Variants in GRK5 observed in about 807,000 individuals in gnomAD.
GRK5 encodes the protein g protein-coupled receptor kinase GRK5.
Under a neutral mutation model 78.4 loss-of-function variants are expected in GRK5, and 40 were observed. The ratio of observed to expected loss-of-function variants is 0.51; its 90% CI spans 0.40 to 0.66. GRK5 has a LOEUF of 0.66. Ranked by LOEUF, GRK5 falls within the 30% of genes least tolerant of loss-of-function variation. The pLI is 0.00. For missense variants in GRK5, 598 were observed against 759.9 expected, an observed-to-expected ratio of 0.79 and a Z score of 2.50; for synonymous variants, 289 against 296.8, an observed-to-expected ratio of 0.97 and a Z score of 0.27.
At chr10:119,344,092 CG>C (rs1184515277) in intron 2 of GRK5, among the ~76,000 whole-genome samples, 12 of 150,444 alleles carry the variant, frequency 8.0e-5, no homozygotes, top group African/African-American at 2.2e-4. Flanking sequence ...TTTTTTTTGG[CG>C]GGGGGTAACA....
Position 119,431,405 on chromosome 10 carries a change from C to T in GRK5, c.616C>T (p.Arg206Trp), listed in dbSNP as rs769828788. Reference protein sequence around the residue: ...GFGEVCACQVRATGKMYACKR... With the variant: ...GFGEVCACQVWATGKMYACKR... ...ACTGCAGGTCTGTGCCTGCCAGGTT[C>T]GGGCCACGGGTAAAATGTATGCCTG... The change falls in exon 8 of 16, where the codon CGG becomes TGG. Residue 206 changes from arginine to tryptophan, a missense_variant. By Grantham distance (101) the Arg-to-Trp change is moderately radical. Coordinates refer to ENST00000392870, the MANE Select transcript of GRK5 (RefSeq NM_005308.3). This position sits in a 1 kb window ranked among gnomAD's most constrained non-coding sequence, Gnocchi z 4.8. 5 of 1,613,566 alleles carry T rather than the reference C, an allele frequency of 3.1e-6. No homozygotes were observed. The highest frequency in any genetic ancestry group is 4.2e-6 in the Non-Finnish European group (5 of 1,179,690).
chr10:119,307,647 C>G (rs2133732205), intron 1 of GRK5, among the ~76,000 whole-genome samples: 1 of 152,274 alleles, frequency 6.6e-6, no homozygotes, highest in Middle Eastern at 3.4e-3. Context: ...TGATTCCAGA[C>G]TTCTGACTTC....
intron 1 of GRK5, among the ~76,000 whole-genome samples, chr10:119,261,175 C>A (rs1317786975): frequency 6.7e-6 from 1 of 149,920 alleles, no homozygotes. Context: ...CTCCTCACTT[C>A]TCAAACGGGG....
rs996551031 is a variant in GRK5, at chr10:119,298,224, A to G, written c.53-28292A>G. Among the ~76,000 whole-genome samples, 8 of 152,236 alleles carry G rather than the reference A, an allele frequency of 5.3e-5. No individual in the cohort carries two copies. The South Asian group carries it at 1.5e-3, about 28-fold the overall frequency. ...GTCATTTATTCACTCATTCACCAAGATTTTTGGGCTCCTACTATATACAAG... is the reference window on the plus strand; with the variant it reads ...GTCATTTATTCACTCATTCACCAAGGTTTTTGGGCTCCTACTATATACAAG... On this transcript the variant is annotated intron_variant, in intron 1 of 15. Transcript: ENST00000392870.
At chr10:119,433,085 A>G (rs1244684838) in intron 8 of GRK5, among the ~76,000 whole-genome samples, 2 of 152,124 alleles carry the variant, frequency 1.3e-5, no homozygotes, top group Non-Finnish European at 2.9e-5. Flanking sequence ...AAAACAAAAC[A>G]AACAAACAAA....
Position 119,379,623 on chromosome 10 carries a change from C to T in GRK5, c.149-1192C>T, listed in dbSNP as rs1851679924. On this transcript the variant is annotated intron_variant, in intron 2 of 15. Coordinates refer to ENST00000392870, the MANE Select transcript of GRK5 (RefSeq NM_005308.3). This position sits in a 1 kb window ranked among gnomAD's most constrained non-coding sequence, Gnocchi z 4.1. ...GGCTCTATCGCCCTCTTCCCTGTTT[C>T]CCACGAACTCATCCGACTGTGTCCC... Among the ~76,000 whole-genome samples, 1 of 152,162 alleles carries T rather than the reference C, an allele frequency of 6.6e-6. No individual in the cohort carries two copies. Among genetic ancestry groups the T allele is most frequent in the Non-Finnish European group, 1.5e-5 (1 of 68,020 alleles).
intron 1 of GRK5, among the ~76,000 whole-genome samples, chr10:119,322,905 T>C (rs1850610611): frequency 1.3e-5 from 2 of 152,254 alleles, no homozygotes; most frequent in Non-Finnish European, 2.9e-5. Context: ...AAACAGCCCA[T>C]GTGTCTATCC....
chr10:119,260,643 A>G (rs1849367564), intron 1 of GRK5, among the ~76,000 whole-genome samples: 2 of 151,966 alleles, frequency 1.3e-5, no homozygotes, highest in African/African-American at 4.8e-5. Context: ...TCTGTTTAAC[A>G]AAGCACATCT....
At chr10:119,443,886 A>G (rs1853090654) in intron 12 of GRK5, 134 bp downstream of exon 12, 2 of 753,082 alleles carry the variant, frequency 2.7e-6, no homozygotes, top group African/African-American at 1.8e-5. Flanking sequence ...GTTGCAGCCC[A>G]CCAAGCTAGA....
chr10:119,284,022 G>A (rs1016806320), intron 1 of GRK5, among the ~76,000 whole-genome samples: 25 of 152,228 alleles, frequency 1.6e-4, no homozygotes, highest in African/African-American at 5.5e-4. Context: ...TTCGGTACTC[G>A]GATCCCCTGT....
At chr10:119,366,953 G>T (rs1191902204) in intron 2 of GRK5, among the ~76,000 whole-genome samples, 5 of 152,188 alleles carry the variant, frequency 3.3e-5, no homozygotes, top group Admixed American at 3.3e-4. Context: ...TCAGTGTCTC[G>T]ATTTTAGGCA....
intron 2 of GRK5, among the ~76,000 whole-genome samples, chr10:119,335,476 G>T (rs1160300776): frequency 1.3e-5 from 2 of 152,054 alleles, no homozygotes; most frequent in African/African-American, 4.8e-5. Context: ...CAATTCTTCT[G>T]CCTCAGTCTC....
intron 2 of GRK5, among the ~76,000 whole-genome samples, chr10:119,354,671 G>A (rs1049729218): frequency 1.3e-5 from 2 of 152,144 alleles, no homozygotes; most frequent in African/African-American, 4.8e-5. Context: ...CAAAGTGCTG[G>A]GATTGCAGCT....
rs945202327 is a variant in GRK5 at position 119,261,863 on chromosome 10, C to T, written c.52+53894C>T. Reference sequence around the variant, plus strand: ...AGATGGCAGCAGTATAGTCCAGCTTCGGCTCGGCATGAGAGGGAGACTGTG... The same window carrying T: ...AGATGGCAGCAGTATAGTCCAGCTTTGGCTCGGCATGAGAGGGAGACTGTG... On this transcript the variant is annotated intron_variant, in intron 1 of 15. Transcript: ENST00000392870. Among the ~76,000 whole-genome samples, 395 of 152,240 alleles carry T rather than the reference C, an allele frequency of 2.6e-3. 6 individuals carry two copies. Among genetic ancestry groups the T allele is most frequent in the Non-Finnish European group, 8.2e-4 (56 of 68,024 alleles).
chr10:119,347,376 CAT>C (rs1589757449), intron 2 of GRK5, among the ~76,000 whole-genome samples: 1 of 148,542 alleles, frequency 6.7e-6, no homozygotes, highest in Non-Finnish European at 1.5e-5. Flanking sequence ...AGTTTGTGCC[CAT>C]GTGTGTTTGC....
intron 1 of GRK5, among the ~76,000 whole-genome samples, chr10:119,276,135 A>C (rs1217079915): frequency 6.6e-6 from 1 of 151,880 alleles, no homozygotes; most frequent in Non-Finnish European, 1.5e-5. Flanking sequence ...TTTTTATTAC[A>C]CTTTAAGTTT....
intron 1 of GRK5, among the ~76,000 whole-genome samples, chr10:119,266,505 C>T (rs544202812): frequency 6.6e-6 from 1 of 152,224 alleles, no homozygotes; most frequent in East Asian, 1.9e-4. Context: ...AAGAAGAGCC[C>T]TTCCCAAACA....
chr10:119,395,286 C>T lies in GRK5; in HGVS notation c.262-1409C>T, dbSNP rs1425101936. The stretch of plus-strand genomic sequence containing the variant: ...CTCCATTAGAAGAGAGAGGGCAAGA[C>T]AAGGACACTCGCTCACTGTGGTTGG... On this transcript the variant is annotated intron_variant, in intron 3 of 15. Coordinates refer to ENST00000392870, the MANE Select transcript of GRK5 (RefSeq NM_005308.3). 2.0e-5 allele frequency among the ~76,000 whole-genome samples: 3 copies of T among 152,202 alleles called. No homozygotes were observed. In the East Asian group the frequency reaches 5.8e-4, roughly 29 times the overall value.
intron 2 of GRK5, among the ~76,000 whole-genome samples, chr10:119,360,050 G>A (rs1851334521): frequency 1.3e-5 from 2 of 150,396 alleles, no homozygotes; most frequent in African/African-American, 4.9e-5. Context: ...GGAGGTGGAG[G>A]GAGACTGAGG....
Sources: gnomAD v4.1 joint callset for allele counts (sites outside exome capture counted in the v4.1 genomes callset) on GRCh38, gnomAD v4.1.1 for gene constraint, Gnocchi (gnomAD v3.1) non-coding constraint, MANE v1.5 for transcripts, NCBI Gene and HGNC (gene_info 2026-07-23, HGNC 2026-07-21) for gene names.